SESN1: variants seen among roughly 807,000 people sequenced by gnomAD.
The protein encoded by SESN1 is sestrin 1.
In SESN1, 30 loss-of-function variants were observed where a neutral mutation model predicts 59.3. The observed-to-expected ratio is 0.51, with a 90% CI of 0.38 to 0.69. The LOEUF (loss-of-function observed/expected upper bound fraction) is 0.69. Among genes scored for constraint, SESN1 ranks in the 30% least tolerant of loss-of-function variants. SESN1 has a pLI of 0.00. For synonymous variants in SESN1, 197 were observed against 219.9 expected, an observed-to-expected ratio of 0.90 and a Z score of 0.92; for missense variants, 566 against 673.0, an observed-to-expected ratio of 0.84 and a Z score of 1.76.
At chr6:109,061,787 G>A (rs1015148396) in intron 1 of SESN1, among the ~76,000 whole-genome samples, 1 of 152,054 alleles carries the variant, frequency 6.6e-6, no homozygotes, top group East Asian at 1.9e-4. Context: ...CTGGGCAACA[G>A]AGCGAGATCC....
At chr6:109,002,400 G>C in intron 1 of SESN1, 57 bp from the exon 2 acceptor site, 1 of 1,405,286 alleles carries the variant, frequency 7.1e-7, no homozygotes, top group South Asian at 1.2e-5. Context: ...ATGAACTGAG[G>C]CTAAAGGAAT....
In SESN1 at chr6:109,093,966, G is replaced by A. The variant is rs375981283; in HGVS notation, c.108C>T (p.Thr36=). The A allele has an allele frequency of 1.1e-5, 18 of 1,614,008 alleles. No homozygotes were observed. The highest frequency in any genetic ancestry group is 1.7e-5 in the Admixed American group (1 of 60,008). The change falls in exon 1 of 10, where the codon ACC becomes ACT. Residue 36 remains threonine, a synonymous_variant. Coordinates refer to ENST00000436639, the MANE Select transcript of SESN1 (RefSeq NM_014454.3). The part of the protein sequence containing the change: ...ENIRQTILRK[T]EYLRSVKETP... ...TTTCTTTCACCGAACGAAGATACTCGGTTTTCCTCAAAATGGTTTGCCTAA... is the reference window on the plus strand; with the variant it reads ...TTTCTTTCACCGAACGAAGATACTCAGTTTTCCTCAAAATGGTTTGCCTAA...
chr6:109,009,020 A>T, intron 1 of SESN1: 1 of 1,001,538 alleles, frequency 1.0e-6, no homozygotes, highest in South Asian at 4.7e-5. Flanking sequence ...TGGATTTCTG[A>T]CTTGTGGAGA....
rs115949005 is a variant in SESN1 at position 109,041,149 on chromosome 6, A to C, written c.280-38806T>G. ...GACCCTGTTTCTATTAAAAAAAAAA[A>C]AAACAAACCAAAACTAGCCAGGCAT... On this transcript the variant is annotated intron_variant, in intron 1 of 9. Transcript: ENST00000436639. 8.7e-3 allele frequency among the ~76,000 whole-genome samples: 1,318 copies of C among 150,896 alleles called. 22 individuals are homozygous for C. The highest frequency in any genetic ancestry group is 0.028 in the African/African-American group (1,133 of 41,170).
At chr6:109,080,004 G>A (rs1023129436) in intron 1 of SESN1, among the ~76,000 whole-genome samples, 23 of 152,048 alleles carry the variant, frequency 1.5e-4, no homozygotes, top group Admixed American at 5.9e-4. Context: ...ATGCAAAACC[G>A]TATTTTGGGA....
At chr6:109,048,170 T>C (rs143028395) in intron 1 of SESN1, among the ~76,000 whole-genome samples, 124 of 152,184 alleles carry the variant, frequency 8.1e-4, no homozygotes, top group Middle Eastern at 3.4e-3. Flanking sequence ...ACAAGAAGAA[T>C]GACCTTCACA....
At chr6:109,090,225 G>A (rs993594231) in intron 1 of SESN1, among the ~76,000 whole-genome samples, 1 of 152,194 alleles carries the variant, frequency 6.6e-6, no homozygotes, top group Admixed American at 6.5e-5. Flanking sequence ...GAATCAAGGA[G>A]AGATTATGTA....
chr6:109,093,963 C>T lies in SESN1; in HGVS notation c.111G>A (p.Glu37=), dbSNP rs779739840. 1 of 1,614,204 alleles carries T rather than the reference C, an allele frequency of 6.2e-7. No individual in the cohort carries two copies. The highest frequency in any genetic ancestry group is 8.5e-7 in the Non-Finnish European group (1 of 1,180,036). The part of the protein sequence containing the change: ...NIRQTILRKT[E]YLRSVKETPH... Reference sequence around the variant, plus strand: ...GTGTTTCTTTCACCGAACGAAGATACTCGGTTTTCCTCAAAATGGTTTGCC... The same window carrying T: ...GTGTTTCTTTCACCGAACGAAGATATTCGGTTTTCCTCAAAATGGTTTGCC... Residue 37 remains glutamate (E), a synonymous_variant, in exon 1 of 10, where the codon GAG becomes GAA. Coordinates refer to ENST00000436639, the MANE Select transcript of SESN1 (RefSeq NM_014454.3).
chr6:109,026,790 A>G (rs1454702142), intron 1 of SESN1, among the ~76,000 whole-genome samples: 1 of 151,876 alleles, frequency 6.6e-6, no homozygotes, highest in East Asian at 1.9e-4. Context: ...GGCGTGAGCC[A>G]CTGCGCCCGG....
At chr6:109,060,251 A>G (rs1285546844) in intron 1 of SESN1, among the ~76,000 whole-genome samples, 1 of 152,230 alleles carries the variant, frequency 6.6e-6, no homozygotes, top group Non-Finnish European at 1.5e-5. Context: ...ATTCTAAAAA[A>G]TTTAAAAGGA....
chr6:109,081,159 G>A (rs1467390643), intron 1 of SESN1, among the ~76,000 whole-genome samples: 1 of 152,070 alleles, frequency 6.6e-6, no homozygotes, highest in African/African-American at 2.4e-5. Flanking sequence ...TTGACTTACT[G>A]CAGCCTTGAC....
intron 1 of SESN1, among the ~76,000 whole-genome samples, chr6:109,019,457 G>A (rs1779975624): frequency 6.6e-6 from 1 of 152,194 alleles, no homozygotes; most frequent in East Asian, 1.9e-4. Context: ...AACAGTTCAT[G>A]TTTCTCTACT....
intron 1 of SESN1, chr6:109,009,442 C>T: frequency 1.5e-6 from 2 of 1,362,486 alleles, no homozygotes; most frequent in Non-Finnish European, 1.9e-6. Flanking sequence ...GCCTCGTTCG[C>T]GGCGGCGGCC....
intron 7 of SESN1, among the ~76,000 whole-genome samples, chr6:108,991,119 G>A (rs1779373248): frequency 6.6e-6 from 1 of 151,684 alleles, no homozygotes; most frequent in South Asian, 2.1e-4. Flanking sequence ...TTACACATTG[G>A]CCTTTATGTC....
At chr6:109,067,032 T>C (rs138951827) in intron 1 of SESN1, among the ~76,000 whole-genome samples, 4 of 152,346 alleles carry the variant, frequency 2.6e-5, no homozygotes, top group East Asian at 3.9e-4. Context: ...CAGGCCTACT[T>C]TGAAAATGTA....
chr6:109,061,332 G>C (rs1276671810), intron 1 of SESN1, among the ~76,000 whole-genome samples: 1 of 151,970 alleles, frequency 6.6e-6, no homozygotes, highest in Non-Finnish European at 1.5e-5. Flanking sequence ...TTAATGTTTA[G>C]AAATTTTCTA....
intron 1 of SESN1, among the ~76,000 whole-genome samples, chr6:109,023,647 A>G (rs915357324): frequency 3.3e-5 from 5 of 152,230 alleles, no homozygotes; most frequent in South Asian, 2.1e-4. Flanking sequence ...CTACTGGCAC[A>G]TCACATACAA....
intron 1 of SESN1, among the ~76,000 whole-genome samples, chr6:109,049,733 A>T (rs1358085505): frequency 6.7e-6 from 1 of 150,254 alleles, no homozygotes; most frequent in East Asian, 1.9e-4. Flanking sequence ...ATATTGATGT[A>T]TAATATATAT....
In SESN1 at chr6:108,994,623, A is replaced by G. The variant is rs1779465227; in HGVS notation, c.973-14T>C. On this transcript the variant is annotated splice_polypyrimidine_tract_variant and intron_variant, in intron 5 of 9. Coordinates refer to ENST00000436639, the MANE Select transcript of SESN1 (RefSeq NM_014454.3). ...AGAATCACTTACCTGAAGAAAAAAT[A>G]CAATTAATGTTACATGTGGCAGACA... is the stretch of plus-strand genomic sequence containing the variant. 1 of 1,604,520 alleles carries G rather than the reference A, an allele frequency of 6.2e-7. No individual in the cohort carries two copies. Among genetic ancestry groups the G allele is most frequent in the Non-Finnish European group, 8.5e-7 (1 of 1,175,128 alleles).
Sources: allele counts gnomAD v4.1 joint callset (sites outside exome capture counted in the v4.1 genomes callset), GRCh38; gene constraint gnomAD v4.1.1; transcripts MANE v1.5; gene names NCBI Gene and HGNC (gene_info 2026-07-23, HGNC 2026-07-21).